The following SDK1 variants were observed in gnomAD, a reference collection of about 807,000 sequenced individuals.
SDK1 encodes the protein sidekick cell adhesion molecule 1.
In SDK1, 157 loss-of-function variants were observed where a neutral mutation model predicts 245.5. That is an observed-to-expected ratio of 0.64 (90% CI 0.56 to 0.73). The LOEUF is 0.73. Among genes scored for constraint, SDK1 ranks in the 30% least tolerant of loss-of-function variants. The probability of loss-of-function intolerance (pLI) is 0.00; values close to 1 mark genes in which losing one functional copy is unlikely to be tolerated. For synonymous variants in SDK1, 1,647 were observed against 1,278.5 expected (o/e 1.29, Z -6.15); for missense variants, 3,583 against 3,002.3 (o/e 1.19, Z -4.52).
At chr7:4,128,004 GT>G (rs1784505567) in intron 26 of SDK1, among the ~76,000 whole-genome samples, 1 of 152,176 alleles carries the variant, frequency 6.6e-6, no homozygotes, top group Admixed American at 6.5e-5. Flanking sequence ...CGCTGGCAGG[GT>G]TGAATCTGTC....
At position 4,250,516 on chromosome 7, in the gene SDK1, G is replaced by T. The variant is rs544711698; in HGVS notation, c.6381+4711G>T. On this transcript the variant is annotated intron_variant, in intron 44 of 44. Coordinates refer to ENST00000404826, the MANE Select transcript of SDK1 (RefSeq NM_152744.4). ...CTGACACTATGCCCAGCTGATTTTT[G>T]GTATTTTTATTAGAGACAGGGTTTT... 5.9e-5 allele frequency among the ~76,000 whole-genome samples: 9 copies of T among 152,090 alleles called. No individual in the cohort carries two copies. In the East Asian group the frequency reaches 7.8e-4, roughly 13 times the overall value.
chr7:3,753,670 A>G (rs1779839002), intron 4 of SDK1, among the ~76,000 whole-genome samples: 1 of 152,140 alleles, frequency 6.6e-6, no homozygotes, highest in Non-Finnish European at 1.5e-5. Flanking sequence ...ATCACAGGCA[A>G]ATTTTCAGGT....
intron 2 of SDK1, among the ~76,000 whole-genome samples, chr7:3,631,850 A>T (rs755708126): frequency 6.6e-6 from 1 of 152,222 alleles, no homozygotes; most frequent in Non-Finnish European, 1.5e-5. Flanking sequence ...TTCATTGTTG[A>T]CAAATACTCC....
At chr7:3,487,205 C>G (rs906899135) in intron 1 of SDK1, among the ~76,000 whole-genome samples, 1 of 152,180 alleles carries the variant, frequency 6.6e-6, no homozygotes, top group African/African-American at 2.4e-5. Flanking sequence ...CCTTATGACA[C>G]TCTGAAATTT....
chr7:3,969,336 C>T lies in SDK1; in HGVS notation c.1626C>T (p.Pro542=), dbSNP rs765108160. The T allele has an allele frequency of 4.5e-5, 73 of 1,610,964 alleles. 2 individuals carry two copies. The East Asian group carries it at 5.4e-4, about 12-fold the overall frequency. Residue 542 remains proline (P), a synonymous_variant, in exon 11 of 45, where the codon CCC becomes CCT. Transcript: ENST00000404826. ...AATCGGGGGGTCTACAGATCGCGCC[C>T]GTCTTCATCCAGGATGCCGGCAACT... ...LLESGGLQIA[P]VFIQDAGNYT...
intron 4 of SDK1, among the ~76,000 whole-genome samples, chr7:3,811,540 T>G (rs1400094573): frequency 6.6e-6 from 1 of 152,182 alleles, no homozygotes; most frequent in Non-Finnish European, 1.5e-5. Flanking sequence ...TCTTTGGGCT[T>G]TAATTCAGAG....
intron 1 of SDK1, among the ~76,000 whole-genome samples, chr7:3,556,958 A>T (rs1405018968): frequency 6.6e-6 from 1 of 152,126 alleles, no homozygotes; most frequent in African/African-American, 2.4e-5. Context: ...CCCCTTAAAT[A>T]TTTACACATA....
chr7:3,872,755 T>A (rs1480918916), intron 5 of SDK1, among the ~76,000 whole-genome samples: 1 of 152,096 alleles, frequency 6.6e-6, no homozygotes, highest in Non-Finnish European at 1.5e-5. Context: ...TTCTGAAAAC[T>A]TTCATCATGG....
At chr7:3,775,765 A>C (rs1780539003) in intron 4 of SDK1, among the ~76,000 whole-genome samples, 1 of 151,324 alleles carries the variant, frequency 6.6e-6, no homozygotes, top group South Asian at 2.1e-4. Flanking sequence ...TTTAGTAGAG[A>C]CGGGGTTTCA....
intron 1 of SDK1, among the ~76,000 whole-genome samples, chr7:3,609,276 C>G (rs1781516593): frequency 6.6e-6 from 1 of 152,118 alleles, no homozygotes; most frequent in Non-Finnish European, 1.5e-5. Flanking sequence ...AGACCAAAAA[C>G]TTTGAGAACT....
chr7:3,973,650 C>G (rs1044865613), intron 12 of SDK1, among the ~76,000 whole-genome samples: 8 of 151,974 alleles, frequency 5.3e-5, no homozygotes, highest in Non-Finnish European at 1.2e-4. Context: ...CCAGACAACA[C>G]TCTTGTCCTC....
chr7:4,248,176 A>G (rs1419484438), intron 44 of SDK1, among the ~76,000 whole-genome samples: 1 of 152,112 alleles, frequency 6.6e-6, no homozygotes, highest in East Asian at 1.9e-4. Context: ...ACATATGTAC[A>G]TGTACACACA....
At chr7:3,625,406 G>C (rs1015099087) in intron 2 of SDK1, among the ~76,000 whole-genome samples, 1 of 152,220 alleles carries the variant, frequency 6.6e-6, no homozygotes, top group Non-Finnish European at 1.5e-5. Flanking sequence ...AGACAGTTCT[G>C]TCTCTAATAA....
intron 1 of SDK1, among the ~76,000 whole-genome samples, chr7:3,533,503 A>C (rs1783418122): frequency 6.6e-6 from 1 of 152,196 alleles, no homozygotes; most frequent in Non-Finnish European, 1.5e-5. Flanking sequence ...ATTGTTTTAA[A>C]TGTAAATATT....
At chr7:3,321,688 TTCCTTC>T (rs1450443485) in intron 1 of SDK1, among the ~76,000 whole-genome samples, 1 of 147,810 alleles carries the variant, frequency 6.8e-6, no homozygotes, top group Non-Finnish European at 1.5e-5. Flanking sequence ...TTCTTCCTTC[TTCCTTC>T]TCCTCCTCCT....
rs1048541043 is a variant in SDK1, at chr7:3,425,902, C to G, written c.298+124018C>G. On this transcript the variant is annotated intron_variant, in intron 1 of 44. Coordinates refer to ENST00000404826, the MANE Select transcript of SDK1 (RefSeq NM_152744.4). The stretch of plus-strand genomic sequence containing the variant: ...AAAGATAAGAGACAATAGGAGCCCA[C>G]ATAGGATGGAAAGCTAGAAATCAGG... Among the ~76,000 whole-genome samples the G allele has an allele frequency of 3.3e-5, 5 of 152,080 alleles. No individual in the cohort carries two copies. In the East Asian group the frequency reaches 9.6e-4, roughly 29 times the overall value.
At position 3,782,444 on chromosome 7, in the gene SDK1, C is replaced by T. The variant is rs143332511; in HGVS notation, c.714-39006C>T. On this transcript the variant is annotated intron_variant, in intron 4 of 44. Coordinates refer to ENST00000404826, the MANE Select transcript of SDK1 (RefSeq NM_152744.4). Reference sequence around the variant, plus strand: ...GAGATTGAGAGGATAAATGTGAAATCATATCAACCCAAGTACAGGAAGCAG... The same window carrying T: ...GAGATTGAGAGGATAAATGTGAAATTATATCAACCCAAGTACAGGAAGCAG... 3.1e-3 allele frequency among the ~76,000 whole-genome samples: 471 copies of T among 152,302 alleles called. 4 individuals are homozygous for T. The highest frequency in any genetic ancestry group is 0.011 in the African/African-American group (443 of 41,574).
Position 3,951,037 on chromosome 7 carries a change from A to G in SDK1, c.959+3A>G. 6.3e-7 allele frequency: 1 copy of G among 1,597,020 alleles called. No individual in the cohort carries two copies. The highest frequency in any genetic ancestry group is 8.6e-7 in the Non-Finnish European group (1 of 1,164,428). ...TTGGAATGTATAGCCAGTGCCAGGT[A>G]CGAGGCGCGTCTCCTGTGAGACTCC... On this transcript the variant is annotated splice_donor_region_variant and intron_variant, in intron 6 of 44. Transcript: ENST00000404826.
rs1783312096 is a variant in SDK1, at chr7:3,660,300, GGACCA to G, written c.713+18196_713+18200del. ...GGTAGCCAGGAGGGCCCAATACCAT[GGACCA>G]CCAAGAAGAGAGCTTTTCACCTGAT... is the stretch of plus-strand genomic sequence containing the variant. On this transcript the variant is annotated intron_variant, in intron 4 of 44. Coordinates refer to ENST00000404826, the MANE Select transcript of SDK1 (RefSeq NM_152744.4). Among the ~76,000 whole-genome samples, 3 of 151,782 alleles carry G rather than the reference GGACCA, an allele frequency of 2.0e-5. No individual in the cohort carries two copies. In the South Asian group the frequency reaches 6.3e-4, roughly 32 times the overall value.
Sources: allele counts gnomAD v4.1 joint callset (sites outside exome capture counted in the v4.1 genomes callset), GRCh38; gene constraint gnomAD v4.1.1; transcripts MANE v1.5; gene names NCBI Gene and HGNC (gene_info 2026-07-23, HGNC 2026-07-21).